The following DSCAM variants were observed in gnomAD, a reference collection of about 807,000 sequenced individuals.
DSCAM encodes DS cell adhesion molecule, also known as cell adhesion molecule DSCAM.
In DSCAM, 47 loss-of-function variants were observed where a neutral mutation model predicts 217.7. That is an observed-to-expected ratio of 0.22 (90% CI 0.17 to 0.28). The LOEUF is 0.28. DSCAM is among the 10% of genes least tolerant of loss of function. The pLI, the probability that DSCAM is intolerant of heterozygous loss-of-function variation, is 1.00. For synonymous variants in DSCAM, 1,056 were observed against 1,015.3 expected, an observed-to-expected ratio of 1.04 and a Z score of -0.76; for missense variants, 2,080 against 2,618.3, an observed-to-expected ratio of 0.79 and a Z score of 4.49.
chr21:40,544,286 A>G (rs568249021), intron 3 of DSCAM, among the ~76,000 whole-genome samples: 1 of 152,232 alleles, frequency 6.6e-6, no homozygotes, highest in African/African-American at 2.4e-5. Flanking sequence ...AGTCTGTCAC[A>G]TCGGAAACTT....
intron 3 of DSCAM, among the ~76,000 whole-genome samples, chr21:40,376,767 C>A (rs371652478): frequency 2.0e-5 from 3 of 149,810 alleles, no homozygotes; most frequent in South Asian, 2.1e-4. Context: ...CATGAACGAG[C>A]TACAGATATT....
At chr21:40,064,681 T>C (rs1434405439) in intron 27 of DSCAM, among the ~76,000 whole-genome samples, 2 of 152,168 alleles carry the variant, frequency 1.3e-5, no homozygotes, top group Admixed American at 6.5e-5. Flanking sequence ...GAATGGGCAG[T>C]GTGCTCCATG....
intron 32 of DSCAM, among the ~76,000 whole-genome samples, chr21:40,025,829 G>T (rs1305740227): frequency 6.6e-6 from 1 of 150,612 alleles, no homozygotes; most frequent in African/African-American, 2.5e-5. Flanking sequence ...CCAGCTCCTG[G>T]ATTCATTAAT....
chr21:40,383,216 T>C (rs2075044854), intron 3 of DSCAM: 1 of 151,948 alleles, frequency 6.6e-6, no homozygotes, highest in South Asian at 2.1e-4. Context: ...GAATCCCAGC[T>C]ACCCAGGAGG....
intron 3 of DSCAM, among the ~76,000 whole-genome samples, chr21:40,554,202 T>G (rs1038644325): frequency 1.3e-5 from 2 of 151,856 alleles, no homozygotes; most frequent in Non-Finnish European, 2.9e-5. Flanking sequence ...GTTAGTTTTT[T>G]TTTTTTTTTT....
chr21:40,493,304 G>C (rs8134413), intron 3 of DSCAM, among the ~76,000 whole-genome samples: 103,798 of 152,070 alleles, frequency 0.68, 37,005 homozygotes, highest in African/African-American at 0.91. Flanking sequence ...TTCATCACCA[G>C]CAGACCCCTT....
chr21:40,234,942 C>T (rs2091413270), intron 11 of DSCAM, among the ~76,000 whole-genome samples: 1 of 152,070 alleles, frequency 6.6e-6, no homozygotes, highest in African/African-American at 2.4e-5. Flanking sequence ...GACTTAGTTG[C>T]CCTATGTCTG....
At chr21:40,488,625 CGCCACT>C (rs1320428891) in intron 3 of DSCAM, among the ~76,000 whole-genome samples, 13 of 152,244 alleles carry the variant, frequency 8.5e-5, no homozygotes, top group African/African-American at 3.1e-4. Flanking sequence ...TCACTAAAGA[CGCCACT>C]GTGACAAGGG....
intron 3 of DSCAM, among the ~76,000 whole-genome samples, chr21:40,678,594 T>C (rs1458703158): frequency 6.6e-6 from 1 of 152,120 alleles, no homozygotes; most frequent in Non-Finnish European, 1.5e-5. Context: ...ATGTAACCTT[T>C]CCAGGGCTCC....
chr21:40,493,788 G>T (rs781505356), intron 3 of DSCAM, among the ~76,000 whole-genome samples: 2 of 150,322 alleles, frequency 1.3e-5, no homozygotes, highest in Non-Finnish European at 3.0e-5. Context: ...ACTTGAACCC[G>T]AGAGGCAAAG....
intron 9 of DSCAM, among the ~76,000 whole-genome samples, chr21:40,306,181 G>A (rs969456738): frequency 1.3e-5 from 2 of 149,658 alleles, no homozygotes; most frequent in African/African-American, 2.5e-5. Context: ...TGGATTCCTA[G>A]GTATTTTATT....
intron 8 of DSCAM, among the ~76,000 whole-genome samples, chr21:40,330,069 G>T (rs926235973): frequency 2.0e-5 from 3 of 151,738 alleles, no homozygotes. Context: ...TATGTTATTT[G>T]ATCAGATTTA....
chr21:40,780,411 G>GTATATATA (rs749398798), intron 1 of DSCAM, among the ~76,000 whole-genome samples: 2,794 of 86,714 alleles, frequency 0.032, 89 homozygotes, highest in Non-Finnish European at 0.052. Flanking sequence ...GTGTGTGTGT[G>GTATATATA]TGTGTGTGTG....
chr21:40,026,923 T>G (rs374461974), intron 32 of DSCAM, among the ~76,000 whole-genome samples: 1 of 152,296 alleles, frequency 6.6e-6, no homozygotes, highest in Non-Finnish European at 1.5e-5. Flanking sequence ...GTCATTATGA[T>G]GTTAGCTGGT....
intron 10 of DSCAM, among the ~76,000 whole-genome samples, chr21:40,278,567 T>C (rs1033098939): frequency 1.3e-5 from 2 of 152,076 alleles, no homozygotes; most frequent in African/African-American, 4.8e-5. Flanking sequence ...CCCTCATTTC[T>C]ATAAAATTTT....
chr21:40,665,891 C>T (rs1253670550), intron 3 of DSCAM, among the ~76,000 whole-genome samples: 1 of 152,212 alleles, frequency 6.6e-6, no homozygotes, highest in Non-Finnish European at 1.5e-5. Context: ...CATGGTTAGG[C>T]ACGCTGCCAT....
intron 28 of DSCAM, among the ~76,000 whole-genome samples, chr21:40,062,010 G>T (rs1450374898): frequency 6.6e-6 from 1 of 152,196 alleles, no homozygotes; most frequent in Non-Finnish European, 1.5e-5. Flanking sequence ...CAAATATCAG[G>T]GTGAGGTAAC....
chr21:40,066,974 C>T (rs1244098237), intron 27 of DSCAM, among the ~76,000 whole-genome samples: 1 of 152,174 alleles, frequency 6.6e-6, no homozygotes, highest in Non-Finnish European at 1.5e-5. Context: ...TGCTCTTTGA[C>T]TTACGATTAC....
At chr21:40,145,797 A>AT (rs773164882) in intron 16 of DSCAM, among the ~76,000 whole-genome samples, 3 of 152,004 alleles carry the variant, frequency 2.0e-5, no homozygotes, top group Non-Finnish European at 4.4e-5. Flanking sequence ...GTGAGCTGAG[A>AT]TTGCCCCACT....
Sources: gnomAD v4.1 joint callset for allele counts (sites outside exome capture counted in the v4.1 genomes callset) on GRCh38, gnomAD v4.1.1 for gene constraint, MANE v1.5 for transcripts, NCBI Gene and HGNC (gene_info 2026-07-23, HGNC 2026-07-21) for gene names.